RECQL4: variants seen among roughly 807,000 people sequenced by gnomAD.
RECQL4 encodes the protein RecQ like helicase 4, also known as ATP-dependent DNA helicase Q4.
In RECQL4, 158 loss-of-function variants were observed where a neutral mutation model predicts 128.6. The observed-to-expected ratio is 1.23, with a 90% CI of 1.08 to 1.40. The LOEUF is 1.40. RECQL4 is among the 40% of genes most tolerant of loss of function. The pLI is 0.00. For missense variants in RECQL4, 2,293 were observed against 1,649.8 expected, an observed-to-expected ratio of 1.39 and a Z score of -6.75; for synonymous variants, 996 against 678.9, an observed-to-expected ratio of 1.47 and a Z score of -7.26.
rs546842338 is a variant in RECQL4, at chr8:144,517,621, C to A, written c.99G>T (p.Ala33=). 2.7e-6 allele frequency: 4 copies of A among 1,486,496 alleles called. No homozygotes were observed. The African/African-American group carries it at 4.4e-5, about 16-fold the overall frequency. The allele number at this position is 1,486,496 out of a possible 1,614,324, so 92.1% of individuals were successfully genotyped here. ...GCTCACCGCGGGTCTCCTCCGGCGC[C>A]GCCTCCACGTCGTCCTGTAAAGGGA... ...GRRPSQDDVE[A]APEETRALYR... is the part of the protein sequence containing the mutation. The change falls in exon 2 of 21, where the codon GCG becomes GCT. Residue 33 remains alanine, a synonymous_variant. Transcript: ENST00000617875.
In RECQL4 at chr8:144,512,933, G is replaced by A. The variant is rs1827530347; in HGVS notation, c.2669C>T (p.Ala890Val). 6.3e-6 allele frequency: 10 copies of A among 1,577,874 alleles called. No individual in the cohort carries two copies. Among genetic ancestry groups the A allele is most frequent in the East Asian group, 2.3e-5 (1 of 42,928 alleles). The change falls in exon 15 of 21, where the codon GCC (alanine) becomes GTC (valine). Residue 890 changes from alanine (A) to valine (V), a missense_variant. Physicochemically the swap from Ala to Val is moderately conservative, Grantham distance 64 (BLOSUM62 0). Coordinates refer to ENST00000617875, the MANE Select transcript of RECQL4 (RefSeq NM_004260.4). The part of the protein sequence containing the change: ...QEAEQLSHQA[A>V]PGPRRVCMGH... ...CATGCAGACCCTTCTGGGTCCTGGG[G>A]CTGCTTGGTGGCTAAGCTGCTCAGC...
Position 144,517,142 on chromosome 8 carries a change from T to C in RECQL4, c.262A>G (p.Lys88Glu), listed in dbSNP as rs1815245432. 1 of 1,611,562 alleles carries C rather than the reference T, an allele frequency of 6.2e-7. No individual in the cohort carries two copies. The highest frequency in any genetic ancestry group is 8.5e-7 in the Non-Finnish European group (1 of 1,179,538). The change falls in exon 4 of 21, where the codon AAG becomes GAG. Residue 88 changes from lysine to glutamate, a missense_variant. Transcript: ENST00000617875. ...CGCCCTGGCGTAGACTGTGGACTCT[T>C]GGTCGCAGCCCGATTCAGATGGGGC... ...WGPHLNRAAT[K>E]SPQSTPGRSR...
Position 144,515,804 on chromosome 8 carries a change from G to C in RECQL4, c.1218C>G (p.Asn406Lys), listed in dbSNP as rs760132114. Residue 406 changes from asparagine (N) to lysine (K), a missense_variant, in exon 6 of 21, where the codon AAC becomes AAG. Physicochemically the swap from Asn to Lys is moderately conservative, Grantham distance 94. Coordinates refer to ENST00000617875, the MANE Select transcript of RECQL4 (RefSeq NM_004260.4). ...GGGCTGCCCAGTGATCGAACTGCTC[G>C]TTCAGGAAACAAGACTCCTTGGTTG... ...TVTTKESCFL[N>K]EQFDHWAAQC... The C allele has an allele frequency of 1.2e-6, 2 of 1,612,548 alleles. No individual in the cohort carries two copies. The highest frequency in any genetic ancestry group is 4.5e-5 in the East Asian group (2 of 44,884).
chr8:144,513,368 C>G lies in RECQL4; in HGVS notation c.2313G>C (p.Thr771=). The G allele has an allele frequency of 1.9e-6, 3 of 1,606,790 alleles. No individual in the cohort carries two copies. Among genetic ancestry groups the G allele is most frequent in the Non-Finnish European group, 2.5e-6 (3 of 1,179,672 alleles). ...MQGQLRVVVA[T]VAFGMGLDRP... Reference sequence around the variant, plus strand: ...GGTCCAGCCCCATCCCAAAGGCCACCGTGGCCACCACCACCCGCAACTGGC... The same window carrying G: ...GGTCCAGCCCCATCCCAAAGGCCACGGTGGCCACCACCACCCGCAACTGGC... Residue 771 remains threonine, a synonymous_variant, in exon 14 of 21, where the codon ACG becomes ACC. Coordinates refer to ENST00000617875, the MANE Select transcript of RECQL4 (RefSeq NM_004260.4).
In RECQL4 at chr8:144,517,181, G is replaced by A. The variant is rs2130736572; in HGVS notation, c.223C>T (p.Pro75Ser). ...TTCAGATGGGGCCCCCAGCAGCGGG[G>A]CTCTGGCGCCTGCAGGAGACAACAG... ...LPAAAEEAPEPRCWGPHLNRA... is the reference protein window; with the variant it reads ...LPAAAEEAPESRCWGPHLNRA... Residue 75 changes from proline to serine, a missense_variant, in exon 4 of 21, where the codon CCC becomes TCC. Physicochemically the swap from Pro to Ser is moderately conservative, Grantham distance 74. Coordinates refer to ENST00000617875, the MANE Select transcript of RECQL4 (RefSeq NM_004260.4). 6.2e-7 allele frequency: 1 copy of A among 1,603,994 alleles called. No individual in the cohort carries two copies.
rs775068771 is a variant in RECQL4, at chr8:144,517,598, T to C, written c.118+4A>G. The C allele has an allele frequency of 7.4e-6, 11 of 1,480,306 alleles. No homozygotes were observed. In the East Asian group the frequency reaches 2.5e-4, roughly 34 times the overall value. 91.7% of individuals were successfully genotyped at this position (1,480,306 alleles called of 1,614,324 possible). A position where few individuals can be genotyped will look rare whatever the true frequency, so the allele number is the denominator to read the frequency against. ...TCGCCCCCGCCGCCCCGCCGCGCGCTCACCGCGGGTCTCCTCCGGCGCCGC... is the reference window on the plus strand; with the variant it reads ...TCGCCCCCGCCGCCCCGCCGCGCGCCCACCGCGGGTCTCCTCCGGCGCCGC... On this transcript the variant is annotated splice_donor_region_variant and intron_variant, in intron 2 of 20. Transcript: ENST00000617875.
Position 144,513,061 on chromosome 8 carries a change from C to T in RECQL4, c.2541G>A (p.Gln847=), listed in dbSNP as rs1363463026. The T allele has an allele frequency of 6.4e-7, 1 of 1,573,652 alleles. No individual in the cohort carries two copies. The highest frequency in any genetic ancestry group is 8.6e-7 in the Non-Finnish European group (1 of 1,158,976). ...TGCAGGTGCAGGCTGGGAACACGCG[C>T]TGTACCAGCCTCTTCACAGCCAGGA... ...TDFLAVKRLV[Q]RVFPACTCTC... Residue 847 remains glutamine (Q), a synonymous_variant, in exon 15 of 21, where the codon CAG becomes CAA. Transcript: ENST00000617875.
In RECQL4 at chr8:144,512,622, A is replaced by C. The variant is rs555930479; in HGVS notation, c.2885+20T>G. 1.4e-5 allele frequency: 22 copies of C among 1,611,806 alleles called. No homozygotes were observed. The highest frequency in any genetic ancestry group is 1.9e-5 in the Non-Finnish European group (22 of 1,179,282). ...CCCTGATTCTCCAACCTCGTCTCCAACTGGGCAGGGCGTGCTTACCTGTGG... is the reference window on the plus strand; with the variant it reads ...CCCTGATTCTCCAACCTCGTCTCCACCTGGGCAGGGCGTGCTTACCTGTGG... On this transcript the variant is annotated intron_variant, in intron 16 of 20. Transcript: ENST00000617875.
Position 144,514,358 on chromosome 8 carries a change from CGAATCTGAAGGCAGCAA to C in RECQL4, c.1705-13_1708del. 6.2e-7 allele frequency: 1 copy of C among 1,600,412 alleles called. No homozygotes were observed. The highest frequency in any genetic ancestry group is 8.5e-7 in the Non-Finnish European group (1 of 1,171,432). ...CATCAGCACGTGTACCTGGGCTGCC[CGAATCTGAAGGCAGCAA>C]GATCAGAGGCACAGCCCAGGTGCCC... On this transcript the variant is annotated splice_acceptor_variant and splice_polypyrimidine_tract_variant and coding_sequence_variant and intron_variant, in exon 11 of 21. Transcript: ENST00000617875. LOFTEE classifies it high-confidence loss of function.
rs36115640 is a variant in RECQL4, at chr8:144,513,183, C to T, written c.2463+35G>A. On this transcript the variant is annotated intron_variant, in intron 14 of 20. Transcript: ENST00000617875. ...AGGGTGGGGTGGACCACTGGGGGCT[C>T]GAGCACTGGCAGTGTGGGGGGGGGG... 7.7e-3 allele frequency: 11,600 copies of T among 1,507,250 alleles called. 53 individuals are homozygous for T. Among genetic ancestry groups the T allele is most frequent in the African/African-American group, 0.027 (1,589 of 57,812 alleles). 93.4% of individuals were successfully genotyped at this position (1,507,250 alleles called of 1,614,324 possible). A position where few individuals can be genotyped will look rare whatever the true frequency, so the allele number is the denominator to read the frequency against.
Position 144,517,785 on chromosome 8 carries a change from G to GGC in RECQL4, c.-3_-2dup. ...CCCGCACGTCCCGCAGCCGCTCCAT[G>GGC]GCGCGCGCGCCCGCCCGGCCTCCGC... On this transcript the variant is annotated 5_prime_UTR_variant, in exon 1 of 21. Transcript: ENST00000617875. 1 of 1,231,674 alleles carries GGC rather than the reference G, an allele frequency of 8.1e-7. No homozygotes were observed. Among genetic ancestry groups the GGC allele is most frequent in the Non-Finnish European group, 1.0e-6 (1 of 982,378 alleles). 76.3% of individuals were successfully genotyped at this position (1,231,674 alleles called of 1,614,324 possible).
rs1336158277 is a variant in RECQL4, at chr8:144,514,104, G to A, written c.1882C>T (p.Leu628Phe). Residue 628 changes from leucine to phenylalanine, a missense_variant, in exon 12 of 21, where the codon CTT becomes TTT. By Grantham distance (22) the Leu-to-Phe change is conservative. Coordinates refer to ENST00000617875, the MANE Select transcript of RECQL4 (RefSeq NM_004260.4). Reference protein sequence around the residue: ...RPCYLRVCKVLRERMGVHCFL... With the variant: ...RPCYLRVCKVFRERMGVHCFL... ...CAGTGCACGCCCATGCGCTCCCGAA[G>A]CACCTGCACCAGAGGCGGCAGTGGT... 2.5e-6 allele frequency: 4 copies of A among 1,606,588 alleles called. No homozygotes were observed. Among genetic ancestry groups the A allele is most frequent in the Admixed American group, 1.7e-5 (1 of 59,164 alleles).
At position 144,512,155 on chromosome 8, in the gene RECQL4, C is replaced by T. The variant is rs1554896553; in HGVS notation, c.3225G>A (p.Gln1075=). The part of the protein sequence containing the change: ...QALARLRRTF[Q]AFHSVAFPSC... Reference sequence around the variant, plus strand: ...CGCCTCCTCCCAACCTGTGAAAGGCCTGGAAGGTTCTGCGCAGACGGGCCA... The same window carrying T: ...CGCCTCCTCCCAACCTGTGAAAGGCTTGGAAGGTTCTGCGCAGACGGGCCA... Residue 1075 remains glutamine (Q), a synonymous_variant, in exon 18 of 21, where the codon CAG becomes CAA. Transcript: ENST00000617875. The T allele has an allele frequency of 1.2e-6, 2 of 1,609,060 alleles. No individual in the cohort carries two copies.
rs985482776 is a variant in RECQL4 at position 144,513,606 on chromosome 8, G to C, written c.2165C>G (p.Thr722Ser). 5 of 1,607,094 alleles carry C rather than the reference G, an allele frequency of 3.1e-6. No homozygotes were observed. In the African/African-American group the frequency reaches 4.0e-5, roughly 13 times the overall value. ...TGGGACCCAGGCTGCGTGCAGGCAG[G>C]TTCGGAGGAGCGCAGCGATCCGCTC... ...DTERIAALLR[T>S]CLHAAWVPGS... The change falls in exon 13 of 21, where the codon ACC becomes AGC. Residue 722 changes from threonine to serine, a missense_variant. Transcript: ENST00000617875.
chr8:144,515,223 G>A lies in RECQL4; in HGVS notation c.1410C>T (p.Phe470=), dbSNP rs2130706358. 3 of 1,580,874 alleles carry A rather than the reference G, an allele frequency of 1.9e-6. No homozygotes were observed. Among genetic ancestry groups the A allele is most frequent in the Non-Finnish European group, 2.6e-6 (3 of 1,164,276 alleles). Residue 470 remains phenylalanine, a synonymous_variant, in exon 8 of 21, where the codon TTC becomes TTT. Coordinates refer to ENST00000617875, the MANE Select transcript of RECQL4 (RefSeq NM_004260.4). ...GGTGCCCCAGCTGCTCCAGGGCCTG[G>A]AACACCTCAGCCGGCGTCTCTGCAG... ...GQLAETPAEV[F]QALEQLGHQA... is the part of the protein sequence containing the mutation.
At position 144,517,031 on chromosome 8, in the gene RECQL4, C is replaced by A; in HGVS notation, c.354+19G>T. 1 of 1,603,688 alleles carries A rather than the reference C, an allele frequency of 6.2e-7. No homozygotes were observed. Among genetic ancestry groups the A allele is most frequent in the Non-Finnish European group, 8.5e-7 (1 of 1,172,900 alleles). On this transcript the variant is annotated intron_variant, in intron 4 of 20. Coordinates refer to ENST00000617875, the MANE Select transcript of RECQL4 (RefSeq NM_004260.4). Reference sequence around the variant, plus strand: ...CAGCTGTGGACCTAGCGTGGACTCACTGCCTGCCCACTCCTCACCTGCAGG... The same window carrying A: ...CAGCTGTGGACCTAGCGTGGACTCAATGCCTGCCCACTCCTCACCTGCAGG...
chr8:144,514,888 G>A (rs780724183), intron 9 of RECQL4, 48 bp downstream of exon 9: 2 of 1,599,950 alleles, frequency 1.3e-6, no homozygotes, highest in Admixed American at 1.7e-5. Flanking sequence ...GGAGTCACAA[G>A]TGCTGGTTCT....
In RECQL4 at chr8:144,516,088, C is replaced by T. The variant is rs745874353; in HGVS notation, c.1031G>A (p.Arg344Gln). 2.6e-5 allele frequency: 42 copies of T among 1,612,568 alleles called. No individual in the cohort carries two copies. The highest frequency in any genetic ancestry group is 1.6e-4 in the Middle Eastern group (1 of 6,084). ...ATTGCCCCTGTCATGGCGGGCCAGCCGAGGGAAGATGTGCAGGGGGGCTGT... is the reference window on the plus strand; with the variant it reads ...ATTGCCCCTGTCATGGCGGGCCAGCTGAGGGAAGATGTGCAGGGGGGCTGT... ...EGTAPLHIFPRLARHDRGNYV... is the reference protein window; with the variant it reads ...EGTAPLHIFPQLARHDRGNYV... The change falls in exon 5 of 21, where the codon CGG becomes CAG. Residue 344 changes from arginine to glutamine, a missense_variant. Transcript: ENST00000617875.
Position 144,514,035 on chromosome 8 carries a change from C to T in RECQL4, c.1951G>A (p.Asp651Asn). Reference protein sequence around the residue: ...TATATRRTASDVAQHLAVAEE... With the variant: ...TATATRRTASNVAQHLAVAEE... ...GCCACAGCCAGGTGCTGTGCCACGT[C>T]ACTGGCAGTGCGGCGTGTGGCTGTG... Residue 651 changes from aspartate (D) to asparagine (N), a missense_variant, in exon 12 of 21, where the codon GAC becomes AAC. Transcript: ENST00000617875. The T allele has an allele frequency of 1.3e-6, 2 of 1,576,986 alleles. No homozygotes were observed.
Sources: allele counts gnomAD v4.1 joint callset, GRCh38; gene constraint gnomAD v4.1.1; transcripts MANE v1.5; gene names NCBI Gene and HGNC (gene_info 2026-07-23, HGNC 2026-07-21).